PUS7: variants seen among roughly 807,000 people sequenced by gnomAD.
PUS7 encodes the protein pseudouridylate synthase 7 homolog.
Under a neutral mutation model 79.8 loss-of-function variants are expected in PUS7, and 48 were observed. The ratio of observed to expected loss-of-function variants is 0.60; its 90% CI spans 0.48 to 0.76. The LOEUF (loss-of-function observed/expected upper bound fraction) is 0.76. Ranked by LOEUF, PUS7 falls within the 30% of genes least tolerant of loss-of-function variation. PUS7 has a pLI of 0.00. For missense variants in PUS7, 729 were observed against 797.6 expected, an observed-to-expected ratio of 0.91 and a Z score of 1.04; for synonymous variants, 286 against 272.2, an observed-to-expected ratio of 1.05 and a Z score of -0.50.
intron 14 of PUS7, 143 bp from the exon 15 acceptor site, chr7:105,459,402 G>T: frequency 2.3e-6 from 1 of 442,784 alleles, no homozygotes; most frequent in Non-Finnish European, 3.9e-6. Context: ...AATATAGCAG[G>T]GCCAGATTTT....
intron 5 of PUS7, 105 bp from the exon 6 acceptor site, chr7:105,495,358 T>C: frequency 1.5e-6 from 1 of 676,706 alleles, no homozygotes; most frequent in Non-Finnish European, 2.6e-6. Context: ...AGTTCTAGTC[T>C]GATAAAGAAA....
At chr7:105,514,338 C>T (rs554068788) in intron 1 of PUS7, among the ~76,000 whole-genome samples, 1 of 152,130 alleles carries the variant, frequency 6.6e-6, no homozygotes, top group South Asian at 2.1e-4. Context: ...GGCACAGTGG[C>T]TCATGCCTGT....
chr7:105,514,883 C>A (rs1825836225), intron 1 of PUS7, among the ~76,000 whole-genome samples: 1 of 151,796 alleles, frequency 6.6e-6, no homozygotes, highest in Non-Finnish European at 1.5e-5. Context: ...GCTCCGCCTC[C>A]TGGGCTCACG....
chr7:105,483,270 C>T (rs1403009987), intron 7 of PUS7, among the ~76,000 whole-genome samples: 2 of 151,944 alleles, frequency 1.3e-5, no homozygotes, highest in South Asian at 2.1e-4. Context: ...TCAAGTGAAT[C>T]TCCTGCCTCA....
intron 11 of PUS7, 120 bp from the exon 12 acceptor site, chr7:105,468,583 T>C (rs1258910661): frequency 3.3e-5 from 28 of 838,776 alleles, no homozygotes; most frequent in Non-Finnish European, 5.3e-6. Context: ...AGTGGCACGA[T>C]CTAGGCTCAT....
intron 2 of PUS7, among the ~76,000 whole-genome samples, chr7:105,507,733 G>A (rs1825529191): frequency 6.6e-6 from 1 of 151,700 alleles, no homozygotes; most frequent in Non-Finnish European, 1.5e-5. Context: ...GTATAGATGT[G>A]CTTTCACCAT....
At position 105,482,444 on chromosome 7, in the gene PUS7, T is replaced by C. The variant is rs551425888; in HGVS notation, c.921-4A>G. 2 of 1,444,430 alleles carry C rather than the reference T, an allele frequency of 1.4e-6. No homozygotes were observed. The highest frequency in any genetic ancestry group is 1.9e-6 in the Non-Finnish European group (2 of 1,073,848). The allele number at this position is 1,444,430 out of a possible 1,614,324, so 89.5% of individuals were successfully genotyped here. On this transcript the variant is annotated splice_region_variant and splice_polypyrimidine_tract_variant and intron_variant, in intron 7 of 15. Coordinates refer to ENST00000469408, the MANE Select transcript of PUS7 (RefSeq NM_019042.5). Reference sequence around the variant, plus strand: ...GGCAAGTCTTTGTGCAGTTATTCTTTAAAAAAAAAAAAAAAAGCAACAAAA... The same window carrying C: ...GGCAAGTCTTTGTGCAGTTATTCTTCAAAAAAAAAAAAAAAAGCAACAAAA...
rs929622667 is a variant in PUS7, at chr7:105,506,316, T to C, written c.399-43A>G. 7.4e-6 allele frequency: 10 copies of C among 1,346,744 alleles called. No homozygotes were observed. The African/African-American group carries it at 1.0e-4, about 14-fold the overall frequency. 83.4% of individuals were successfully genotyped at this position (1,346,744 alleles called of 1,614,324 possible). A position where few individuals can be genotyped will look rare whatever the true frequency, so the allele number is the denominator to read the frequency against. ...GAACTTTCAGATAATTAACATCCTG[T>C]TTTCTATTAATTTTAAGATAAAGTT... On this transcript the variant is annotated intron_variant, in intron 2 of 15. Transcript: ENST00000469408.
intron 1 of PUS7, among the ~76,000 whole-genome samples, chr7:105,518,742 T>G (rs1259941926): frequency 6.6e-6 from 1 of 151,874 alleles, no homozygotes; most frequent in African/African-American, 2.4e-5. Flanking sequence ...AAACAGCCAT[T>G]AGTCTTTTTT....
chr7:105,507,104 G>A (rs1258483826), intron 2 of PUS7, among the ~76,000 whole-genome samples: 1 of 151,840 alleles, frequency 6.6e-6, no homozygotes, highest in Non-Finnish European at 1.5e-5. Flanking sequence ...GGAGTGCAGT[G>A]GCTTGATCTT....
At chr7:105,487,703 C>T (rs1435818519) in intron 7 of PUS7, among the ~76,000 whole-genome samples, 1 of 152,120 alleles carries the variant, frequency 6.6e-6, no homozygotes, top group Non-Finnish European at 1.5e-5. Flanking sequence ...CATCAGGAAC[C>T]AATTAAGCAA....
At chr7:105,482,590 G>T in intron 7 of PUS7, 150 bp from the exon 8 acceptor site, 1 of 736,942 alleles carries the variant, frequency 1.4e-6, no homozygotes, top group Non-Finnish European at 2.2e-6. Context: ...GGTGAGGTGG[G>T]CGTGTCCTTC....
rs200010674 is a variant in PUS7 at position 105,482,421 on chromosome 7, C to T, written c.940G>A (p.Ala314Thr). The part of the protein sequence containing the change: ...AVLKITAQRL[A>T]HLNKCLMNFK... ...TTCATCAAGCACTTATTCAGGTGGG[C>T]AAGTCTTTGTGCAGTTATTCTTTAA... Residue 314 changes from alanine to threonine, a missense_variant, in exon 8 of 16, where the codon GCC becomes ACC. Transcript: ENST00000469408. 1 of 1,593,298 alleles carries T rather than the reference C, an allele frequency of 6.3e-7. No individual in the cohort carries two copies. Among genetic ancestry groups the T allele is most frequent in the South Asian group, 1.1e-5 (1 of 90,276 alleles).
chr7:105,473,968 A>C (rs1823980291), intron 9 of PUS7, among the ~76,000 whole-genome samples: 1 of 152,224 alleles, frequency 6.6e-6, no homozygotes, highest in Admixed American at 6.5e-5. Flanking sequence ...CAAATCTATA[A>C]GTGTATGTAA....
chr7:105,469,904 G>C (rs368017939), intron 11 of PUS7, among the ~76,000 whole-genome samples: 5 of 152,204 alleles, frequency 3.3e-5, no homozygotes, highest in East Asian at 1.9e-4. Flanking sequence ...TAATGTTTTA[G>C]GAAAAGTTTA....
intron 5 of PUS7, among the ~76,000 whole-genome samples, chr7:105,498,478 T>G (rs902974308): frequency 2.6e-5 from 4 of 152,188 alleles, no homozygotes; most frequent in African/African-American, 9.7e-5. Flanking sequence ...TCTGAGGGCC[T>G]AACAAGGCAG....
chr7:105,520,141 T>C (rs992014833), intron 1 of PUS7, among the ~76,000 whole-genome samples: 2 of 151,762 alleles, frequency 1.3e-5, no homozygotes, highest in Admixed American at 1.3e-4. Context: ...CTGGCCAACA[T>C]GGTGAAACCC....
chr7:105,468,607 T>A, intron 11 of PUS7, 144 bp from the exon 12 acceptor site: 1 of 646,526 alleles, frequency 1.5e-6, no homozygotes, highest in Non-Finnish European at 2.5e-6. Context: ...AGCCTCCACC[T>A]CCCGGGTTCA....
intron 10 of PUS7, among the ~76,000 whole-genome samples, chr7:105,471,290 TAG>T: frequency 6.6e-6 from 1 of 152,346 alleles, no homozygotes; most frequent in South Asian, 2.1e-4. Flanking sequence ...AAGATGATTT[TAG>T]AGATACTCTT....
Sources: allele counts gnomAD v4.1 joint callset (sites outside exome capture counted in the v4.1 genomes callset), GRCh38; gene constraint gnomAD v4.1.1; transcripts MANE v1.5; gene names NCBI Gene and HGNC (gene_info 2026-07-23, HGNC 2026-07-21).